USH2A: variants seen among roughly 807,000 people sequenced by gnomAD.
USH2A encodes the protein Usher syndrome 2A (autosomal recessive, mild).
A neutral mutation model predicts 538.9 loss-of-function variants in USH2A; 443 were observed. That is an observed-to-expected ratio of 0.82 (90% CI 0.76 to 0.89). The LOEUF is 0.89. Ranked by LOEUF, USH2A falls within the 40% of genes least tolerant of loss-of-function variation. The pLI, the probability that USH2A is intolerant of heterozygous loss-of-function variation, is 0.00. For synonymous variants in USH2A, 2,413 were observed against 2,273.5 expected, an observed-to-expected ratio of 1.06 and a Z score of -1.75; for missense variants, 6,633 against 6,324.8, an observed-to-expected ratio of 1.05 and a Z score of -1.65.
At chr1:215,967,215 C>T (rs58767336) in intron 36 of USH2A, among the ~76,000 whole-genome samples, 2,791 of 152,264 alleles carry the variant, frequency 0.018, 78 homozygotes, top group African/African-American at 0.065. Flanking sequence ...GTCTCCAAGG[C>T]TGGAGTGCAG....
At chr1:215,626,141 C>A (rs1656015288) in intron 71 of USH2A, among the ~76,000 whole-genome samples, 2 of 151,332 alleles carry the variant, frequency 1.3e-5, no homozygotes, top group African/African-American at 4.9e-5. Flanking sequence ...GCCTCAGAAG[C>A]CTCAGTCTAC....
intron 50 of USH2A, among the ~76,000 whole-genome samples, chr1:215,797,297 G>GC (rs1662171057): frequency 6.6e-6 from 1 of 152,218 alleles, no homozygotes; most frequent in African/African-American, 2.4e-5. Context: ...AGGTGAAGCA[G>GC]CAAGTGCTGA....
intron 9 of USH2A, among the ~76,000 whole-genome samples, chr1:216,313,232 T>C (rs956970608): frequency 6.6e-6 from 1 of 152,174 alleles, no homozygotes; most frequent in Admixed American, 6.5e-5. Flanking sequence ...CAGGAAGTAA[T>C]GATAGCTCAC....
chr1:215,664,627 T>C (rs180937830), intron 64 of USH2A, among the ~76,000 whole-genome samples: 36 of 152,360 alleles, frequency 2.4e-4, no homozygotes, highest in African/African-American at 8.7e-4. Flanking sequence ...CTTCCTTTTA[T>C]AGATGAGTGC....
intron 61 of USH2A, 95 bp from the exon 62 acceptor site, chr1:215,680,471 T>G: frequency 8.1e-7 from 1 of 1,235,022 alleles, no homozygotes; most frequent in Admixed American, 1.7e-5. Flanking sequence ...GGCCAAAGCT[T>G]GTAGGCAACA....
rs1308924086 is a variant in USH2A, at chr1:215,782,886, C to A, written c.10437G>T (p.Trp3479Cys). The A allele has an allele frequency of 3.7e-6, 6 of 1,613,568 alleles. No individual in the cohort carries two copies. Among genetic ancestry groups the A allele is most frequent in the Admixed American group, 1.7e-5 (1 of 59,904 alleles). Reference protein sequence around the residue: ...YMTYEYRISAWNSYGRGLSKA... With the variant: ...YMTYEYRISACNSYGRGLSKA... ...TGCTGAGTCCTCGCCCATAGCTGTT[C>A]CAGGCAGAAATCCTGTACTCATATG... Residue 3479 changes from tryptophan (W) to cysteine (C), a missense_variant, in exon 53 of 72, where the codon TGG becomes TGT. Physicochemically the swap from Trp to Cys is radical, Grantham distance 215. Coordinates refer to ENST00000307340, the MANE Select transcript of USH2A (RefSeq NM_206933.4).
chr1:216,224,284 G>A (rs1215088442), intron 14 of USH2A, among the ~76,000 whole-genome samples: 1 of 151,988 alleles, frequency 6.6e-6, no homozygotes, highest in Non-Finnish European at 1.5e-5. Flanking sequence ...GTAAGTGCAG[G>A]GTGTCAAATA....
intron 51 of USH2A, among the ~76,000 whole-genome samples, chr1:215,788,700 G>T (rs1661876814): frequency 6.6e-6 from 1 of 152,042 alleles, no homozygotes; most frequent in African/African-American, 2.4e-5. Flanking sequence ...AGAGAGATAG[G>T]AATCAAAATA....
At chr1:216,054,165 T>A (rs1488957664) in intron 30 of USH2A, among the ~76,000 whole-genome samples, 1 of 152,186 alleles carries the variant, frequency 6.6e-6, no homozygotes, top group Non-Finnish European at 1.5e-5. Flanking sequence ...GACTGAAAAT[T>A]AAGATTTTGC....
Position 215,817,129 on chromosome 1 carries a change from T to C in USH2A, c.9438A>G (p.Leu3146=), listed in dbSNP as rs894427358. The C allele has an allele frequency of 1.6e-5, 25 of 1,612,722 alleles. No homozygotes were observed. The highest frequency in any genetic ancestry group is 2.1e-5 in the Non-Finnish European group (25 of 1,179,090). Residue 3146 remains leucine (L), a synonymous_variant, in exon 48 of 72, where the codon CTA becomes CTG. Coordinates refer to ENST00000307340, the MANE Select transcript of USH2A (RefSeq NM_206933.4). The stretch of plus-strand genomic sequence containing the variant: ...TAGCGCATGGATACCATGTTTTCCA[T>C]AGGAGATCATATCCAAGAATGATGC... The part of the protein sequence containing the change: ...PNGIILGYDL[L]WKTWYPCAKT...
Position 215,741,331 on chromosome 1 carries a change from C to T in USH2A, c.11711+44G>A, listed in dbSNP as rs773979002. 1.2e-5 allele frequency: 19 copies of T among 1,589,966 alleles called. 1 individual carries two copies. Among genetic ancestry groups the T allele is most frequent in the Admixed American group, 3.3e-5 (2 of 59,904 alleles). On this transcript the variant is annotated intron_variant, in intron 60 of 71. Coordinates refer to ENST00000307340, the MANE Select transcript of USH2A (RefSeq NM_206933.4). ...TTGATTCTGCTGTGTTGGAGCAGTA[C>T]GCATTCTTAAATAACTAAAAATAAT...
intron 3 of USH2A, among the ~76,000 whole-genome samples, chr1:216,413,522 T>A (rs776860568): frequency 6.6e-6 from 1 of 152,050 alleles, no homozygotes; most frequent in Non-Finnish European, 1.5e-5. Flanking sequence ...CTATCAATAG[T>A]TTTTCTTTCT....
chr1:216,266,021 A>G (rs193212773), intron 11 of USH2A, among the ~76,000 whole-genome samples: 61 of 152,244 alleles, frequency 4.0e-4, no homozygotes, highest in African/African-American at 1.4e-3. Flanking sequence ...ACAATTTATT[A>G]TATGTTTTCA....
intron 61 of USH2A, among the ~76,000 whole-genome samples, chr1:215,683,566 G>A (rs1348477929): frequency 6.6e-6 from 1 of 152,058 alleles, no homozygotes; most frequent in African/African-American, 2.4e-5. Context: ...TAGGATATTT[G>A]CTTGAGCACT....
intron 55 of USH2A, among the ~76,000 whole-genome samples, chr1:215,769,152 C>T (rs765295102): frequency 1.6e-4 from 25 of 152,112 alleles, no homozygotes; most frequent in Admixed American, 9.8e-4. Flanking sequence ...GTGGGCAATA[C>T]ACATATTCTA....
intron 21 of USH2A, among the ~76,000 whole-genome samples, chr1:216,126,675 G>A (rs994963420): frequency 1.3e-5 from 2 of 151,924 alleles, no homozygotes; most frequent in Non-Finnish European, 2.9e-5. Context: ...AAAAACCAAG[G>A]CTCCTAATTT....
intron 4 of USH2A, among the ~76,000 whole-genome samples, chr1:216,335,446 C>T (rs769899258): frequency 6.6e-6 from 1 of 150,666 alleles, no homozygotes; most frequent in Non-Finnish European, 1.5e-5. Context: ...TTTGAGCAGA[C>T]AAATAAAATA....
At chr1:216,141,221 A>C (rs1392778747) in intron 21 of USH2A, among the ~76,000 whole-genome samples, 1 of 152,212 alleles carries the variant, frequency 6.6e-6, no homozygotes, top group Non-Finnish European at 1.5e-5. Flanking sequence ...TGCAATACAC[A>C]CACGTTAATC....
chr1:216,295,221 A>T (rs1558370816), intron 9 of USH2A, among the ~76,000 whole-genome samples: 1 of 151,844 alleles, frequency 6.6e-6, no homozygotes, highest in African/African-American at 2.4e-5. Context: ...AAATAAAAAA[A>T]TATTGTCAAT....
Sources: gnomAD v4.1 joint callset for allele counts (sites outside exome capture counted in the v4.1 genomes callset) on GRCh38, gnomAD v4.1.1 for gene constraint, MANE v1.5 for transcripts, NCBI Gene and HGNC (gene_info 2026-07-23, HGNC 2026-07-21) for gene names.